The following BBIP1 variants were observed in gnomAD, a reference collection of about 807,000 sequenced individuals.
The protein encoded by BBIP1 is BBSome interacting protein 1.
BBIP1 carries 6 observed loss-of-function variants against 8.9 expected under a neutral mutation model. The observed-to-expected ratio is 0.67, with a 90% confidence interval of 0.37 to 1.33. The LOEUF is 1.33. BBIP1 is among the 40% of genes most tolerant of loss of function. The probability of loss-of-function intolerance (pLI) is 0.02; values close to 1 mark genes in which losing one functional copy is unlikely to be tolerated. For missense variants in BBIP1, 111 were observed against 109.2 expected, an observed-to-expected ratio of 1.02 and a Z score of -0.07; for synonymous variants, 32 against 33.4, an observed-to-expected ratio of 0.96 and a Z score of 0.14.
chr10:110,909,134 G>C (rs1019719172), intron 2 of BBIP1, among the ~76,000 whole-genome samples: 1 of 152,004 alleles, frequency 6.6e-6, no homozygotes, highest in Non-Finnish European at 1.5e-5. Context: ...AATCAGGCAA[G>C]CATCTTCACA....
At position 110,901,626 on chromosome 10, in the gene BBIP1, T is replaced by G; in HGVS notation, c.38-14A>C. On this transcript the variant is annotated splice_polypyrimidine_tract_variant and intron_variant, in intron 2 of 3. Transcript: ENST00000448814. ...TAGTGTTTTTTCCTTCAATGAGAAA[T>G]CAGTATTATTCAAGAATACATTCCC... The G allele has an allele frequency of 6.6e-7, 1 of 1,510,700 alleles. No individual in the cohort carries two copies. The allele number at this position is 1,510,700 out of a possible 1,614,324, so 93.6% of individuals were successfully genotyped here.
chr10:110,909,801 C>A (rs1846232086), intron 2 of BBIP1, among the ~76,000 whole-genome samples: 1 of 152,074 alleles, frequency 6.6e-6, no homozygotes, highest in Non-Finnish European at 1.5e-5. Flanking sequence ...TAGGTGACAA[C>A]AAAAGCATTA....
chr10:110,911,636 A>G (rs1846278982), intron 2 of BBIP1: 1 of 151,824 alleles, frequency 6.6e-6, no homozygotes, highest in Non-Finnish European at 1.5e-5. Flanking sequence ...GGGTAAAATT[A>G]TATATTGGGT....
chr10:110,917,573 GA>G (rs1846443350), intron 2 of BBIP1, among the ~76,000 whole-genome samples: 1 of 152,140 alleles, frequency 6.6e-6, no homozygotes, highest in African/African-American at 2.4e-5. Context: ...AATCATGTCA[GA>G]AAGACTTCAC....
intron 3 of BBIP1, 27 bp from the exon 4 acceptor site, chr10:110,900,553 A>T (rs368712453): frequency 1.3e-6 from 2 of 1,494,634 alleles, no homozygotes; most frequent in African/African-American, 2.8e-5. Context: ...ATAAGAATTA[A>T]TTCAAGAAAG....
At chr10:110,917,958 C>G in intron 2 of BBIP1, 163 bp downstream of exon 2, 1 of 640,434 alleles carries the variant, frequency 1.6e-6, no homozygotes, top group Admixed American at 2.7e-5. Flanking sequence ...TACAGAATCA[C>G]AAAAGGTGAC....
intron 2 of BBIP1, among the ~76,000 whole-genome samples, chr10:110,914,961 T>C (rs1846364786): frequency 6.6e-6 from 1 of 152,190 alleles, no homozygotes; most frequent in Non-Finnish European, 1.5e-5. Flanking sequence ...AAAAAAAGTA[T>C]TTGCTCAGCA....
chr10:110,916,597 A>G (rs1174840590), intron 2 of BBIP1, among the ~76,000 whole-genome samples: 2 of 152,248 alleles, frequency 1.3e-5, no homozygotes, highest in Non-Finnish European at 2.9e-5. Context: ...GAATGTGACC[A>G]GATGGCCAAC....
At chr10:110,915,561 C>T (rs771304848) in intron 2 of BBIP1, among the ~76,000 whole-genome samples, 8 of 152,276 alleles carry the variant, frequency 5.3e-5, no homozygotes, top group South Asian at 4.1e-4. Flanking sequence ...GAATTCAATA[C>T]GTCCCCTAAC....
intron 2 of BBIP1, 144 bp downstream of exon 2, chr10:110,917,977 C>T (rs890154904): frequency 1.4e-6 from 1 of 703,616 alleles, no homozygotes. Context: ...ACTGCTACAA[C>T]AGATTTCAGT....
At position 110,899,504 on chromosome 10, in the gene BBIP1, A is replaced by G. The variant is rs914476331; in HGVS notation, c.*856T>C. 2.6e-5 allele frequency: 4 copies of G among 152,234 alleles called. No individual in the cohort carries two copies. Among genetic ancestry groups the G allele is most frequent in the African/African-American group, 9.6e-5 (4 of 41,466 alleles). The allele number at this position is 152,234 out of a possible 1,614,324, so 9.4% of individuals were successfully genotyped here. Reference sequence around the variant, plus strand: ...CAGAATAGGTGAGGGTTTCTTAAAAATGAGATTTAAGGGCTGGGCACGGTG... The same window carrying G: ...CAGAATAGGTGAGGGTTTCTTAAAAGTGAGATTTAAGGGCTGGGCACGGTG... On this transcript the variant is annotated 3_prime_UTR_variant, in exon 4 of 4. Transcript: ENST00000448814.
rs1316811264 is a variant in BBIP1, at chr10:110,899,609, C to CCAA, written c.*748_*750dup. 2.0e-5 allele frequency: 3 copies of CCAA among 152,122 alleles called. No individual in the cohort carries two copies. Among genetic ancestry groups the CCAA allele is most frequent in the African/African-American group, 7.2e-5 (3 of 41,384 alleles). The allele number at this position is 152,122 out of a possible 1,614,324, so 9.4% of individuals were successfully genotyped here. On this transcript the variant is annotated 3_prime_UTR_variant, in exon 4 of 4. Transcript: ENST00000448814. ...GGTTGGGAGTTCATGACCAGCTTGA[C>CCAA]CAACATGAAGAAACCCTGTCTCTAT...
At chr10:110,918,963 G>C (rs973937351) in intron 1 of BBIP1, 158 bp downstream of exon 1, 1 of 152,302 alleles carries the variant, frequency 6.6e-6, no homozygotes, top group Non-Finnish European at 1.5e-5. Flanking sequence ...GGGCAGGAGA[G>C]GGAATTTCGG....
At chr10:110,903,666 ATCAT>A (rs1251305460) in intron 2 of BBIP1, 5 of 152,250 alleles carry the variant, frequency 3.3e-5, no homozygotes, top group African/African-American at 1.2e-4. Context: ...TGAGAAATGC[ATCAT>A]TAGGTGGTTC....
Position 110,899,600 on chromosome 10 carries a change from C to G in BBIP1, c.*760G>C, listed in dbSNP as rs1841208695. The G allele has an allele frequency of 6.6e-6, 1 of 152,116 alleles. No individual in the cohort carries two copies. Among genetic ancestry groups the G allele is most frequent in the Non-Finnish European group, 1.5e-5 (1 of 68,066 alleles). 9.4% of individuals were successfully genotyped at this position (152,116 alleles called of 1,614,324 possible). A position where few individuals can be genotyped will look rare whatever the true frequency, so the allele number is the denominator to read the frequency against. ...ATCACTTGAGGTTGGGAGTTCATGA[C>G]CAGCTTGACCAACATGAAGAAACCC... On this transcript the variant is annotated 3_prime_UTR_variant, in exon 4 of 4. Coordinates refer to ENST00000448814, the MANE Select transcript of BBIP1 (RefSeq NM_001195305.3).
chr10:110,917,620 C>T (rs973001173), intron 2 of BBIP1, among the ~76,000 whole-genome samples: 5 of 152,160 alleles, frequency 3.3e-5, no homozygotes, highest in African/African-American at 9.7e-5. Flanking sequence ...GTAGCAGGCG[C>T]TCAGCTGAAT....
At chr10:110,909,387 G>A (rs1240000702) in intron 2 of BBIP1, among the ~76,000 whole-genome samples, 1 of 152,034 alleles carries the variant, frequency 6.6e-6, no homozygotes, top group Non-Finnish European at 1.5e-5. Context: ...GTAGAGATGG[G>A]GTTTCATCAT....
chr10:110,914,262 G>A (rs1405824777), intron 2 of BBIP1, among the ~76,000 whole-genome samples: 5 of 152,058 alleles, frequency 3.3e-5, no homozygotes, highest in African/African-American at 1.2e-4. Flanking sequence ...TATGTAAAGA[G>A]TATTTTTCTT....
At chr10:110,917,847 C>G (rs1590762180) in intron 2 of BBIP1, 1 of 502,366 alleles carries the variant, frequency 2.0e-6, no homozygotes, top group Non-Finnish European at 3.6e-6. Context: ...ATATAACATA[C>G]TGATTGTCAT....
Sources: gnomAD v4.1 joint callset for allele counts (sites outside exome capture counted in the v4.1 genomes callset) on GRCh38, gnomAD v4.1.1 for gene constraint, MANE v1.5 for transcripts, NCBI Gene and HGNC (gene_info 2026-07-23, HGNC 2026-07-21) for gene names.